Variants in TNFSF4 observed in about 807,000 individuals in gnomAD.
TNFSF4 encodes TNF superfamily member 4.
TNFSF4 carries 4 observed loss-of-function variants against 7.3 expected under a neutral mutation model. That is an observed-to-expected ratio of 0.55 (90% CI 0.27 to 1.25). TNFSF4 has a LOEUF of 1.25. TNFSF4 is among the 50% of genes most tolerant of loss of function. The pLI is 0.12. For missense variants in TNFSF4, 181 were observed against 208.8 expected (o/e 0.87, Z 0.82); for synonymous variants, 76 against 83.7 (o/e 0.91, Z 0.50).
chr1:173,269,541 C>T, the TNFSF4 span, among the ~76,000 whole-genome samples: 2 of 151,922 alleles, frequency 1.3e-5, no homozygotes, highest in African/African-American at 4.8e-5. Flanking sequence ...ATAAGGATTC[C>T]TTGAATACAA....
At chr1:173,180,993 A>C (rs1401617274), downstream of TNFSF4, among the ~76,000 whole-genome samples, 1 of 152,174 alleles carries the variant, frequency 6.6e-6, no homozygotes, top group Non-Finnish European at 1.5e-5. Flanking sequence ...AAACTGGCTG[A>C]GTGTTGATGG....
chr1:173,378,317 TTTCTGCTGCTGCATCCGG>T, the TNFSF4 span, among the ~76,000 whole-genome samples: 11 of 152,130 alleles, frequency 7.2e-5, no homozygotes, highest in African/African-American at 2.4e-4. Flanking sequence ...GCAAGAGGTG[TTTCTGCTGCTGCATCCGG>T]GAGCACAACT....
At chr1:173,394,972 A>C in the TNFSF4 span, among the ~76,000 whole-genome samples, 1 of 149,552 alleles carries the variant, frequency 6.7e-6, no homozygotes, top group Admixed American at 6.6e-5. Flanking sequence ...ACAGACAGAT[A>C]GATAATAGAG....
chr1:173,220,529 G>A, the TNFSF4 span, among the ~76,000 whole-genome samples: 12 of 152,110 alleles, frequency 7.9e-5, no homozygotes, highest in African/African-American at 2.9e-4. Flanking sequence ...GAATATTTAT[G>A]TTCTCCAAAA....
chr1:173,227,650 C>T, the TNFSF4 span, among the ~76,000 whole-genome samples: 537 of 152,320 alleles, frequency 3.5e-3, 6 homozygotes, highest in African/African-American at 0.012. Context: ...TCGCCTCACC[C>T]GGGAAGCACA....
At chr1:173,282,135 A>T in the TNFSF4 span, among the ~76,000 whole-genome samples, 1 of 152,194 alleles carries the variant, frequency 6.6e-6, no homozygotes, top group Admixed American at 6.6e-5. Context: ...ATTGCACAGT[A>T]GGGTGACAAT....
At chr1:173,244,649 AACAAAAAAC>A in the TNFSF4 span, among the ~76,000 whole-genome samples, 24 of 127,390 alleles carry the variant, frequency 1.9e-4, no homozygotes, top group African/African-American at 5.4e-4. Flanking sequence ...CTCAAAAAAA[AACAAAAAAC>A]AAAAAAAACA....
the TNFSF4 span, among the ~76,000 whole-genome samples, chr1:173,405,590 A>G: frequency 6.6e-6 from 1 of 152,222 alleles, no homozygotes; most frequent in African/African-American, 2.4e-5. Flanking sequence ...TCAAGTATAC[A>G]CACATTATTA....
the TNFSF4 span, among the ~76,000 whole-genome samples, chr1:173,423,187 C>T: frequency 6.6e-6 from 1 of 152,184 alleles, no homozygotes; most frequent in South Asian, 2.1e-4. Context: ...CTCATAAGCA[C>T]CCTCCCTAAA....
At chr1:173,227,147 T>C in the TNFSF4 span, among the ~76,000 whole-genome samples, 10 of 151,790 alleles carry the variant, frequency 6.6e-5, no homozygotes, top group Non-Finnish European at 1.2e-4. Flanking sequence ...TAACAAGCTT[T>C]AAATTTCATA....
At chr1:173,369,716 T>A in the TNFSF4 span, among the ~76,000 whole-genome samples, 2 of 152,114 alleles carry the variant, frequency 1.3e-5, no homozygotes, top group Admixed American at 6.5e-5. Flanking sequence ...CTGGCCCCAA[T>A]ATTCTTCCTC....
the TNFSF4 span, among the ~76,000 whole-genome samples, chr1:173,422,325 T>C: frequency 0.031 from 497 of 16,170 alleles, 3 homozygotes; most frequent in African/African-American, 0.14. Context: ...GTGCCCAGAG[T>C]GAAAAAAAAA....
At chr1:173,287,065 A>G in the TNFSF4 span, among the ~76,000 whole-genome samples, 1 of 152,144 alleles carries the variant, frequency 6.6e-6, no homozygotes, top group Non-Finnish European at 1.5e-5. Context: ...TGCCTATAAT[A>G]CCAACACTTT....
At chr1:173,420,437 G>A in the TNFSF4 span, among the ~76,000 whole-genome samples, 10 of 152,168 alleles carry the variant, frequency 6.6e-5, no homozygotes, top group East Asian at 5.8e-4. Flanking sequence ...GTCATGACGC[G>A]GCCTTGGTGC....
At chr1:173,221,248 TGAA>T in the TNFSF4 span, among the ~76,000 whole-genome samples, 1 of 152,224 alleles carries the variant, frequency 6.6e-6, no homozygotes, top group African/African-American at 2.4e-5. Context: ...CTTTGGATCA[TGAA>T]TTTTACGGAA....
At chr1:173,394,571 A>C in the TNFSF4 span, among the ~76,000 whole-genome samples, 2 of 152,342 alleles carry the variant, frequency 1.3e-5, no homozygotes, top group African/African-American at 4.8e-5. Flanking sequence ...TGTCTTCCCA[A>C]ATGAGGATTG....
the TNFSF4 span, among the ~76,000 whole-genome samples, chr1:173,436,408 A>ATTTTG: frequency 6.6e-6 from 1 of 151,878 alleles, no homozygotes; most frequent in African/African-American, 2.4e-5. Flanking sequence ...GAGGGCTACC[A>ATTTTG]TTTTGTTTTG....
the TNFSF4 span, among the ~76,000 whole-genome samples, chr1:173,432,633 T>C: frequency 1.3e-5 from 2 of 152,080 alleles, no homozygotes; most frequent in African/African-American, 2.4e-5. Context: ...CTGTGTACAT[T>C]CTTTTATGGC....
chr1:173,308,313 CTG>C, the TNFSF4 span, among the ~76,000 whole-genome samples: 16 of 135,612 alleles, frequency 1.2e-4, no homozygotes, highest in East Asian at 4.1e-4. Context: ...GTGTGTGTGT[CTG>C]TGTGTGTGTG....
Sources: gnomAD v4.1 joint callset for allele counts (sites outside exome capture counted in the v4.1 genomes callset) on GRCh38, gnomAD v4.1.1 for gene constraint, MANE v1.5 for transcripts, NCBI Gene and HGNC (gene_info 2026-07-23, HGNC 2026-07-21) for gene names.